The following CBFA2T3 variants were observed in gnomAD, a reference collection of about 807,000 sequenced individuals.
CBFA2T3 encodes CBFA2/RUNX1 partner transcriptional co-repressor 3, also known as transcriptional corepressor CBFA2T3.
In CBFA2T3, 31 loss-of-function variants were observed where a neutral mutation model predicts 58.6. That is an observed-to-expected ratio of 0.53 (90% CI 0.40 to 0.71). The LOEUF is 0.71. Ranked by LOEUF, CBFA2T3 falls within the 30% of genes least tolerant of loss-of-function variation. The probability of loss-of-function intolerance (pLI) is 0.00; values close to 1 mark genes in which losing one functional copy is unlikely to be tolerated. For synonymous variants in CBFA2T3, 531 were observed against 421.9 expected, an observed-to-expected ratio of 1.26 and a Z score of -3.17; for missense variants, 1,076 against 963.1, an observed-to-expected ratio of 1.12 and a Z score of -1.55.
chr16:88,889,477 G>A (rs1221522741), intron 5 of CBFA2T3, among the ~76,000 whole-genome samples: 2 of 151,886 alleles, frequency 1.3e-5, no homozygotes, highest in African/African-American at 2.4e-5. Context: ...GGACTGAGGG[G>A]AATGAGGGTC....
chr16:88,946,030 G>A lies in CBFA2T3; in HGVS notation c.151+30627C>T, dbSNP rs116471450. Among the ~76,000 whole-genome samples the A allele has an allele frequency of 4.7e-3, 713 of 152,282 alleles. 3 individuals carry two copies. Among genetic ancestry groups the A allele is most frequent in the African/African-American group, 0.016 (664 of 41,564 alleles). On this transcript the variant is annotated intron_variant, in intron 1 of 11. Transcript: ENST00000268679. ...CCATGGAAAGTGAACATTGATGGCC[G>A]GGCGTGGTGGCTCACACCTGTAATC...
chr16:88,912,611 C>T (rs1384947509), intron 1 of CBFA2T3, among the ~76,000 whole-genome samples: 3 of 152,250 alleles, frequency 2.0e-5, no homozygotes, highest in South Asian at 2.1e-4. Flanking sequence ...CTGAAGCCTC[C>T]GTCTGTGTTG....
intron 1 of CBFA2T3, among the ~76,000 whole-genome samples, chr16:88,904,775 G>C (rs963237634): frequency 6.6e-6 from 1 of 152,176 alleles, no homozygotes; most frequent in East Asian, 1.9e-4. Context: ...GGTGTCTGTT[G>C]AATCCTGTGT....
At chr16:88,891,841 T>TA (rs762844582) in intron 5 of CBFA2T3, 41 bp downstream of exon 5, 1 of 1,442,972 alleles carries the variant, frequency 6.9e-7, no homozygotes, top group South Asian at 1.2e-5. Context: ...AGGGGCCTTC[T>TA]AGGGAGGCTC....
Position 88,885,344 on chromosome 16 carries a change from A to C in CBFA2T3, c.894-75T>G. On this transcript the variant is annotated intron_variant, in intron 6 of 11. Transcript: ENST00000268679. The surrounding 1 kb of genome is among the most constrained non-coding windows in gnomAD (Gnocchi z 5.3). ...GGGACAGAGGTGCAGGTGGGGTGAG[A>C]GGCAGACAGGCAAGGGCAGAGAGAA... 1 of 993,500 alleles carries C rather than the reference A, an allele frequency of 1.0e-6. No homozygotes were observed. Among genetic ancestry groups the C allele is most frequent in the Non-Finnish European group, 1.4e-6 (1 of 701,130 alleles). 61.5% of individuals were successfully genotyped at this position (993,500 alleles called of 1,614,324 possible). A position where few individuals can be genotyped will look rare whatever the true frequency, so the allele number is the denominator to read the frequency against.
At chr16:88,969,435 A>G (rs1972594004) in intron 1 of CBFA2T3, among the ~76,000 whole-genome samples, 1 of 152,172 alleles carries the variant, frequency 6.6e-6, no homozygotes, top group Non-Finnish European at 1.5e-5. Flanking sequence ...GGGTCGCAAG[A>G]GCGGGGCCCC....
At chr16:88,939,919 C>G (rs1971650128) in intron 1 of CBFA2T3, 1 of 152,356 alleles carries the variant, frequency 6.6e-6, no homozygotes, top group Admixed American at 6.5e-5. Context: ...AAGGGCAATG[C>G]CAGGTACCGA....
In CBFA2T3 at chr16:88,925,931, C is replaced by T. The variant is rs1462636546; in HGVS notation, c.152-24275G>A. Among the ~76,000 whole-genome samples, 5 of 152,220 alleles carry T rather than the reference C, an allele frequency of 3.3e-5. No individual in the cohort carries two copies. In the South Asian group the frequency reaches 6.2e-4, roughly 19 times the overall value. ...TTTACGATGATTTTTAAAAGAGAGG[C>T]TGAGAAGGACCAGGACCAGAAAGAC... On this transcript the variant is annotated intron_variant, in intron 1 of 11. Transcript: ENST00000268679.
intron 1 of CBFA2T3, among the ~76,000 whole-genome samples, chr16:88,954,073 A>G (rs375301717): frequency 2.6e-5 from 4 of 152,110 alleles, no homozygotes; most frequent in African/African-American, 9.7e-5. Context: ...TACAGCTGCC[A>G]GTCAGAGAAC....
chr16:88,932,791 C>CAAAAAAAAAAAAAA lies in CBFA2T3; in HGVS notation c.152-31149_152-31136dup, dbSNP rs576934029. On this transcript the variant is annotated intron_variant, in intron 1 of 11. Coordinates refer to ENST00000268679, the MANE Select transcript of CBFA2T3 (RefSeq NM_005187.6). Reference sequence around the variant, plus strand: ...GGCAAACCCGTCTCTACTAAAAATACAAAAAAAAAAAAAAAAAAAAAAAAA... The same window carrying CAAAAAAAAAAAAAA: ...GGCAAACCCGTCTCTACTAAAAATACAAAAAAAAAAAAAAAAAAAAAAAAAAAAAAAAAAAAAAA... 9.0e-4 allele frequency among the ~76,000 whole-genome samples: 25 copies of CAAAAAAAAAAAAAA among 27,862 alleles called. 1 individual carries two copies. The highest frequency in any genetic ancestry group is 6.5e-3 in the South Asian group (2 of 306). 18.3% of individuals were successfully genotyped at this position (27,862 alleles called of 152,430 possible).
chr16:88,890,127 G>C (rs1018352762), intron 5 of CBFA2T3, among the ~76,000 whole-genome samples: 3 of 152,096 alleles, frequency 2.0e-5, no homozygotes, highest in African/African-American at 7.2e-5. Flanking sequence ...GATGCCCCGC[G>C]TGAATCTAGA....
At chr16:88,918,957 C>G (rs1970826949) in intron 1 of CBFA2T3, among the ~76,000 whole-genome samples, 1 of 152,232 alleles carries the variant, frequency 6.6e-6, no homozygotes, top group Non-Finnish European at 1.5e-5. Flanking sequence ...AAAATTTATT[C>G]AAAGACCTGT....
chr16:88,940,795 C>T (rs1463266881), intron 1 of CBFA2T3, among the ~76,000 whole-genome samples: 1 of 152,200 alleles, frequency 6.6e-6, no homozygotes, highest in Admixed American at 6.5e-5. Context: ...GCGTCGTTCC[C>T]CTCGAAGTTT....
rs776914052 is a variant in CBFA2T3, at chr16:88,881,355, CTTCT to C, written c.1334_1337del (p.Lys445ArgfsTer22). 1.3e-6 allele frequency: 2 copies of C among 1,585,938 alleles called. No individual in the cohort carries two copies. Among genetic ancestry groups the C allele is most frequent in the East Asian group, 2.3e-5 (1 of 43,436 alleles). On this transcript the variant is annotated frameshift_variant, in exon 9 of 12. Transcript: ENST00000268679. LOFTEE classifies it high-confidence loss of function. Reference sequence around the variant, plus strand: ...GCCGGGCCGCGGCGGGAGCGGGGCCCTTCTTTGTGTCCTCGGCGTCGCTGTAGCG... The same window carrying C: ...GCCGGGCCGCGGCGGGAGCGGGGCCCTTGTGTCCTCGGCGTCGCTGTAGCG...
chr16:88,909,016 C>CG (rs1224364769), intron 1 of CBFA2T3, among the ~76,000 whole-genome samples: 1 of 152,104 alleles, frequency 6.6e-6, no homozygotes, highest in African/African-American at 2.4e-5. Context: ...TCCCGGGGAG[C>CG]GGGGGGCACC....
intron 8 of CBFA2T3, 28 bp downstream of exon 8, chr16:88,882,634 CTGGGCATGGCTGTG>C (rs1195211165): frequency 1.5e-6 from 2 of 1,317,808 alleles, no homozygotes; most frequent in Admixed American, 2.0e-5. Flanking sequence ...GGCTGTGCGC[CTGGGCATGGCTGTG>C]TGGGCGTGGC....
At chr16:88,936,883 T>C (rs1235711174) in intron 1 of CBFA2T3, 1 of 152,264 alleles carries the variant, frequency 6.6e-6, no homozygotes, top group African/African-American at 2.4e-5. Context: ...CGGGGCAAGC[T>C]GCGAGCTCAG....
chr16:88,912,601 C>T (rs1378287158), intron 1 of CBFA2T3, among the ~76,000 whole-genome samples: 8 of 152,226 alleles, frequency 5.3e-5, no homozygotes, highest in Non-Finnish European at 1.0e-4. Context: ...TCGTCAATGT[C>T]TGAAGCCTCC....
chr16:88,942,192 G>T (rs745391433), intron 1 of CBFA2T3, among the ~76,000 whole-genome samples: 3 of 152,136 alleles, frequency 2.0e-5, no homozygotes, highest in Non-Finnish European at 4.4e-5. Flanking sequence ...TCCCCCGCCC[G>T]CTTTGCCTTT....
Sources: gnomAD v4.1 joint callset for allele counts (sites outside exome capture counted in the v4.1 genomes callset) on GRCh38, gnomAD v4.1.1 for gene constraint, Gnocchi (gnomAD v3.1) non-coding constraint, MANE v1.5 for transcripts, NCBI Gene and HGNC (gene_info 2026-07-23, HGNC 2026-07-21) for gene names.